The following NBEA variants were observed in gnomAD, a reference collection of about 807,000 sequenced individuals.
NBEA encodes neurobeachin, also known as lysosomal-trafficking regulator 2.
NBEA carries 44 observed loss-of-function variants against 343.4 expected under a neutral mutation model. The ratio of observed to expected loss-of-function variants is 0.13; its 90% CI spans 0.10 to 0.16. The LOEUF is 0.16. NBEA is among the 10% of genes least tolerant of loss of function. NBEA has a pLI of 1.00. For missense variants in NBEA, 2,555 were observed against 3,631.3 expected (o/e 0.70, Z 7.62); for synonymous variants, 1,175 against 1,238.7 (o/e 0.95, Z 1.08).
rs972047247 is a variant in NBEA, at chr13:35,241,272, C to A, written c.5776+8653C>A. On this transcript the variant is annotated intron_variant, in intron 34 of 58. Transcript: ENST00000379939. The stretch of plus-strand genomic sequence containing the variant: ...TCAGAATAAATCTCCAAGAACAGAT[C>A]CCACATACATATGGTAACATTATGA... Among the ~76,000 whole-genome samples the A allele has an allele frequency of 3.3e-5, 5 of 151,768 alleles. No homozygotes were observed. In the South Asian group the frequency reaches 1.0e-3, roughly 32 times the overall value.
intron 10 of NBEA, among the ~76,000 whole-genome samples, chr13:35,090,370 A>G (rs1373279094): frequency 6.6e-6 from 1 of 151,982 alleles, no homozygotes; most frequent in Non-Finnish European, 1.5e-5. Context: ...ATAATTAACT[A>G]TAATGGGGTT....
At chr13:35,241,905 G>A (rs1272384482) in intron 34 of NBEA, among the ~76,000 whole-genome samples, 1 of 151,748 alleles carries the variant, frequency 6.6e-6, no homozygotes, top group Non-Finnish European at 1.5e-5. Flanking sequence ...TACTCCTTTG[G>A]GGTGGAAGGG....
At chr13:35,281,214 T>G (rs2152811314) in intron 34 of NBEA, among the ~76,000 whole-genome samples, 1 of 152,242 alleles carries the variant, frequency 6.6e-6, no homozygotes, top group Non-Finnish European at 1.5e-5. Context: ...TTCTGTGACT[T>G]TGGGGAATAT....
intron 6 of NBEA, 91 bp downstream of exon 6, chr13:35,050,486 G>A: frequency 7.9e-7 from 1 of 1,273,372 alleles, no homozygotes; most frequent in Non-Finnish European, 1.1e-6. Flanking sequence ...TCTTTCACGG[G>A]TTTTCCTATG....
intron 34 of NBEA, among the ~76,000 whole-genome samples, chr13:35,277,103 GC>G (rs1481541463): frequency 2.0e-5 from 3 of 152,202 alleles, no homozygotes; most frequent in Admixed American, 2.0e-4. Context: ...TAAAAATTCA[GC>G]TAGTTATGGA....
At chr13:35,607,510 A>G (rs1393996927) in intron 48 of NBEA, among the ~76,000 whole-genome samples, 1 of 152,100 alleles carries the variant, frequency 6.6e-6, no homozygotes, top group Non-Finnish European at 1.5e-5. Flanking sequence ...TCTCTAGTGT[A>G]CTCTTGAATT....
intron 45 of NBEA, among the ~76,000 whole-genome samples, chr13:35,574,923 T>TA (rs1593263715): frequency 6.6e-6 from 1 of 152,162 alleles, no homozygotes; most frequent in East Asian, 1.9e-4. Context: ...CTAATTTTTG[T>TA]ATTTTTAGTA....
chr13:34,998,066 C>T lies in NBEA; in HGVS notation c.295-42867C>T, dbSNP rs184904324. Among the ~76,000 whole-genome samples the T allele has an allele frequency of 1.3e-4, 20 of 152,022 alleles. No individual in the cohort carries two copies. In the East Asian group the frequency reaches 1.4e-3, roughly 10 times the overall value. ...TTTTCTATTTTCTGTAAGTGTTGGC[C>T]GGTCTGAGAAATAAAGGGACAGAGT... is the stretch of plus-strand genomic sequence containing the variant. On this transcript the variant is annotated intron_variant, in intron 1 of 58. Transcript: ENST00000379939.
chr13:35,428,850 C>G (rs1379946200), intron 38 of NBEA, among the ~76,000 whole-genome samples: 1 of 152,150 alleles, frequency 6.6e-6, no homozygotes, highest in Non-Finnish European at 1.5e-5. Flanking sequence ...TCTATTTAGA[C>G]TTCCTGTAAC....
chr13:35,305,631 A>G (rs1001222791), intron 35 of NBEA, among the ~76,000 whole-genome samples: 3 of 152,114 alleles, frequency 2.0e-5, no homozygotes, highest in Non-Finnish European at 4.4e-5. Context: ...AGTGTTCCAG[A>G]CAATTGCAAC....
Position 35,185,125 on chromosome 13 carries a change from G to A in NBEA, c.4927+1054G>A, listed in dbSNP as rs142683422. On this transcript the variant is annotated intron_variant, in intron 30 of 58. Coordinates refer to ENST00000379939, the MANE Select transcript of NBEA (RefSeq NM_001385012.1). The stretch of plus-strand genomic sequence containing the variant: ...CATGAAGGAGGATCTTTATTGCTTA[G>A]ATGGAGGTGACCATCTTATTGCTTA... Among the ~76,000 whole-genome samples the A allele has an allele frequency of 3.3e-5, 5 of 152,228 alleles. No individual in the cohort carries two copies. The East Asian group carries it at 9.7e-4, about 29-fold the overall frequency.
intron 10 of NBEA, among the ~76,000 whole-genome samples, chr13:35,089,916 G>C (rs1239179095): frequency 3.3e-5 from 3 of 91,052 alleles, no homozygotes; most frequent in Non-Finnish European, 4.4e-5. Context: ...GTTGTGGGGT[G>C]GGGGGAGGGG....
chr13:35,433,262 T>A (rs1240145214), intron 39 of NBEA, among the ~76,000 whole-genome samples: 1 of 152,250 alleles, frequency 6.6e-6, no homozygotes, highest in East Asian at 1.9e-4. Flanking sequence ...TAAAGTGTGA[T>A]GGGGTATATC....
chr13:35,277,720 T>C (rs1050044951), intron 34 of NBEA, among the ~76,000 whole-genome samples: 1 of 150,270 alleles, frequency 6.7e-6, no homozygotes, highest in Non-Finnish European at 1.5e-5. Flanking sequence ...AATACACATA[T>C]TCTAAAGGAA....
intron 41 of NBEA, among the ~76,000 whole-genome samples, chr13:35,539,810 G>A (rs1383308153): frequency 6.7e-6 from 1 of 150,114 alleles, no homozygotes; most frequent in Non-Finnish European, 1.5e-5. Context: ...CAGCTACTCC[G>A]GAGGCTGAGG....
intron 1 of NBEA, among the ~76,000 whole-genome samples, chr13:34,996,771 G>A (rs1249958804): frequency 1.3e-5 from 2 of 152,046 alleles, no homozygotes; most frequent in East Asian, 1.9e-4. Context: ...GTGTGTGTGC[G>A]TGTGTGTGTA....
At chr13:35,055,684 C>A (rs1336182016) in intron 6 of NBEA, among the ~76,000 whole-genome samples, 1 of 152,130 alleles carries the variant, frequency 6.6e-6, no homozygotes, top group East Asian at 1.9e-4. Context: ...CCTTGGGTAT[C>A]TGCAGTGCTT....
chr13:35,040,819 C>T, intron 1 of NBEA, 114 bp from the exon 2 acceptor site: 1 of 844,228 alleles, frequency 1.2e-6, no homozygotes, highest in Non-Finnish European at 1.8e-6. Context: ...AATTTTATAC[C>T]AGAATCCTTG....
chr13:35,509,290 CT>C (rs2077184113), intron 41 of NBEA, among the ~76,000 whole-genome samples: 1 of 152,106 alleles, frequency 6.6e-6, no homozygotes, highest in South Asian at 2.1e-4. Flanking sequence ...AAAGCTGTTA[CT>C]TATAGATCCT....
Sources: gnomAD v4.1 joint callset for allele counts (sites outside exome capture counted in the v4.1 genomes callset) on GRCh38, gnomAD v4.1.1 for gene constraint, MANE v1.5 for transcripts, NCBI Gene and HGNC (gene_info 2026-07-23, HGNC 2026-07-21) for gene names.